The following PCDHA12 variants were observed in gnomAD, a reference collection of about 807,000 sequenced individuals.
PCDHA12 encodes protocadherin alpha-12.
PCDHA12 carries 44 observed loss-of-function variants against 60.0 expected under a neutral mutation model. The ratio of observed to expected loss-of-function variants is 0.73; its 90% confidence interval spans 0.58 to 0.94. The LOEUF is 0.94. Among genes scored for constraint, PCDHA12 ranks in the 40% least tolerant of loss-of-function variants. The pLI, the probability that PCDHA12 is intolerant of heterozygous loss-of-function variation, is 0.00. For synonymous variants in PCDHA12, 569 were observed against 553.0 expected (o/e 1.03, Z -0.40); for missense variants, 1,276 against 1,239.7 (o/e 1.03, Z -0.44).
intron 1 of PCDHA12, among the ~76,000 whole-genome samples, chr5:140,895,711 T>C (rs2065121989): frequency 6.6e-6 from 1 of 152,216 alleles, no homozygotes; most frequent in African/African-American, 2.4e-5. Flanking sequence ...CTTGGGATAA[T>C]GGCCTGCACC....
chr5:140,997,781 C>T (rs1207024588), intron 3 of PCDHA12, among the ~76,000 whole-genome samples: 3 of 151,626 alleles, frequency 2.0e-5, no homozygotes, highest in African/African-American at 7.3e-5. Flanking sequence ...TGTTGTATAC[C>T]TATATTATAA....
At chr5:140,938,333 T>G (rs2092022298) in intron 1 of PCDHA12, among the ~76,000 whole-genome samples, 1 of 152,248 alleles carries the variant, frequency 6.6e-6, no homozygotes, top group Non-Finnish European at 1.5e-5. Context: ...GTAATGTTAA[T>G]GGATAATCTT....
At chr5:140,974,724 C>T (rs893225073) in intron 1 of PCDHA12, among the ~76,000 whole-genome samples, 11 of 152,168 alleles carry the variant, frequency 7.2e-5, no homozygotes, top group Admixed American at 2.6e-4. Flanking sequence ...TGCTCTCGAA[C>T]TCCTGTCTCC....
intron 1 of PCDHA12, chr5:140,967,981 G>C: frequency 6.2e-7 from 1 of 1,614,202 alleles, no homozygotes; most frequent in Non-Finnish European, 8.5e-7. Flanking sequence ...TGGGTCTGGA[G>C]GCCACACTGC....
chr5:140,987,709 T>TATG (rs1359366930), intron 3 of PCDHA12, among the ~76,000 whole-genome samples: 1 of 152,190 alleles, frequency 6.6e-6, no homozygotes, highest in Non-Finnish European at 1.5e-5. Flanking sequence ...TTTTTCCAGG[T>TATG]ATGAGTCTAT....
intron 1 of PCDHA12, chr5:140,884,056 G>C (rs782776341): frequency 6.2e-7 from 1 of 1,613,476 alleles, no homozygotes; most frequent in African/African-American, 1.3e-5. Context: ...AGGTGCGCGC[G>C]GTGGACGCCG....
At chr5:140,951,672 T>C (rs1242247980) in intron 1 of PCDHA12, among the ~76,000 whole-genome samples, 1 of 152,114 alleles carries the variant, frequency 6.6e-6, no homozygotes, top group Non-Finnish European at 1.5e-5. Flanking sequence ...GCCTACAAAA[T>C]TGGGGATTAC....
Position 140,875,749 on chromosome 5 carries a change from G to C in PCDHA12, c.277G>C (p.Glu93Gln). The C allele has an allele frequency of 6.2e-7, 1 of 1,614,264 alleles. No homozygotes were observed. The highest frequency in any genetic ancestry group is 8.5e-7 in the Non-Finnish European group (1 of 1,180,048). The change falls in exon 1 of 4, where the codon GAG (glutamate) becomes CAG (glutamine). Residue 93 changes from glutamate to glutamine, a missense_variant. Glu to Gln is a conservative substitution (Grantham distance 29). Coordinates refer to ENST00000398631, the MANE Select transcript of PCDHA12 (RefSeq NM_018903.4). Reference protein sequence around the residue: ...ILFVNSRIDREKLCGRSAECS... With the variant: ...ILFVNSRIDRQKLCGRSAECS... Reference sequence around the variant, plus strand: ...GTTTGTGAATTCTCGGATCGACCGCGAGAAGCTGTGCGGGCGGAGCGCGGA... The same window carrying C: ...GTTTGTGAATTCTCGGATCGACCGCCAGAAGCTGTGCGGGCGGAGCGCGGA...
Position 140,974,355 on chromosome 5 carries a change from C to T in PCDHA12, c.2368-4594C>T, listed in dbSNP as rs113314336. Among the ~76,000 whole-genome samples the T allele has an allele frequency of 6.8e-3, 1,038 of 152,272 alleles. 15 individuals are homozygous for T. The highest frequency in any genetic ancestry group is 0.024 in the African/African-American group (1,003 of 41,550). ...AGCAGGCTATGCATCCAGAACTAAA[C>T]AGACCTAGCACTTTCTGTTGTACTG... is the stretch of plus-strand genomic sequence containing the variant. On this transcript the variant is annotated intron_variant, in intron 1 of 3. Transcript: ENST00000398631.
chr5:140,911,134 C>T (rs2075341856), intron 1 of PCDHA12, among the ~76,000 whole-genome samples: 1 of 152,108 alleles, frequency 6.6e-6, no homozygotes. Context: ...TCAGGCAGTG[C>T]AGGGTTTTTC....
chr5:140,978,704 G>A (rs1250477330), intron 1 of PCDHA12, among the ~76,000 whole-genome samples: 1 of 152,242 alleles, frequency 6.6e-6, no homozygotes, highest in African/African-American at 2.4e-5. Flanking sequence ...GCCAAAGGTG[G>A]CCTTTACAAG....
intron 1 of PCDHA12, among the ~76,000 whole-genome samples, chr5:140,941,255 C>CTTTCTTTCTTTCTT (rs782490896): frequency 4.1e-3 from 183 of 44,496 alleles, no homozygotes; most frequent in African/African-American, 4.7e-3. Context: ...TTCTTTCTTT[C>CTTTCTTTCTTTCTT]TCTTTCTTTC....
At position 140,875,345 on chromosome 5, in the gene PCDHA12, A is replaced by T. The variant is rs183266244; in HGVS notation, c.-128A>T. 3,872 of 1,443,290 alleles carry T rather than the reference A, an allele frequency of 2.7e-3. 16 individuals are homozygous for T. The highest frequency in any genetic ancestry group is 0.011 in the African/African-American group (735 of 69,882). 89.4% of individuals were successfully genotyped at this position (1,443,290 alleles called of 1,614,324 possible). On this transcript the variant is annotated 5_prime_UTR_variant, in exon 1 of 4. The change abolishes an upstream ATG in the 5' untranslated region. Coordinates refer to ENST00000398631, the MANE Select transcript of PCDHA12 (RefSeq NM_018903.4). ...TTCACGGAATAGGATCGACTCCATA[A>T]TGACTGTGATGCTGGAAAAAATTTA...
At chr5:140,975,750 CTA>C (rs2096680444) in intron 1 of PCDHA12, among the ~76,000 whole-genome samples, 2 of 152,118 alleles carry the variant, frequency 1.3e-5, no homozygotes, top group African/African-American at 4.8e-5. Flanking sequence ...CTCAAATATT[CTA>C]TGTCATAAAT....
Position 140,876,915 on chromosome 5 carries a change from C to A in PCDHA12, c.1443C>A (p.Asp481Glu). ...ACATCTTCACGGTGTCGGCATGGGA[C>A]GCGGACGCGCAGAAGAACGCGCTGG... is the stretch of plus-strand genomic sequence containing the variant. The part of the protein sequence containing the change: ...GCHIFTVSAW[D>E]ADAQKNALVS... Residue 481 changes from aspartate (D) to glutamate (E), a missense_variant, in exon 1 of 4, where the codon GAC (aspartate) becomes GAA (glutamate). By Grantham distance (45) the Asp-to-Glu change is conservative. Coordinates refer to ENST00000398631, the MANE Select transcript of PCDHA12 (RefSeq NM_018903.4). 1 of 1,613,966 alleles carries A rather than the reference C, an allele frequency of 6.2e-7. No homozygotes were observed. The highest frequency in any genetic ancestry group is 8.5e-7 in the Non-Finnish European group (1 of 1,179,934).
chr5:140,926,548 A>C, intron 1 of PCDHA12: 1 of 226,392 alleles, frequency 4.4e-6, no homozygotes, highest in Non-Finnish European at 8.5e-6. Flanking sequence ...GGTGGTCGAG[A>C]CCCCAGCCCG....
chr5:140,917,952 GA>G (rs1180047836), intron 1 of PCDHA12, among the ~76,000 whole-genome samples: 1 of 152,002 alleles, frequency 6.6e-6, no homozygotes, highest in Non-Finnish European at 1.5e-5. Flanking sequence ...AGTTTGATAG[GA>G]ACATCATTGA....
chr5:140,924,901 A>AAT (rs145282866), intron 1 of PCDHA12, among the ~76,000 whole-genome samples: 9,116 of 79,802 alleles, frequency 0.11, 381 homozygotes, highest in Middle Eastern at 0.21. Context: ...TCTCAAAAAA[A>AAT]AAAATAAAAT....
rs1399480801 is a variant in PCDHA12, at chr5:140,951,947, C to T, written c.2368-27002C>T. On this transcript the variant is annotated intron_variant, in intron 1 of 3. Transcript: ENST00000398631. ...TTACTCCCAAGATACAGTGCGGGTA[C>T]AGGCATTGGGTAAATACTCCTGTTC... is the stretch of plus-strand genomic sequence containing the variant. 5.3e-5 allele frequency among the ~76,000 whole-genome samples: 8 copies of T among 152,250 alleles called. No individual in the cohort carries two copies. In the East Asian group the frequency reaches 1.5e-3, roughly 29 times the overall value.
Sources: allele counts gnomAD v4.1 joint callset (sites outside exome capture counted in the v4.1 genomes callset), GRCh38; gene constraint gnomAD v4.1.1; transcripts MANE v1.5; gene names NCBI Gene and HGNC (gene_info 2026-07-23, HGNC 2026-07-21).